The following SIPA1L1 variants were observed in gnomAD, a reference collection of about 807,000 sequenced individuals.
SIPA1L1 encodes signal-induced proliferation-associated 1-like protein 1.
SIPA1L1 carries 26 observed loss-of-function variants against 162.7 expected under a neutral mutation model. That is an observed-to-expected ratio of 0.16 (90% CI 0.12 to 0.22). SIPA1L1 has a LOEUF of 0.22. SIPA1L1 is among the 10% of genes least tolerant of loss of function. SIPA1L1 has a pLI of 1.00. For synonymous variants in SIPA1L1, 829 were observed against 837.4 expected (o/e 0.99, Z 0.17); for missense variants, 1,874 against 2,241.0 (o/e 0.84, Z 3.31).
intron 2 of SIPA1L1, among the ~76,000 whole-genome samples, chr14:71,404,196 G>T (rs911073322): frequency 6.6e-6 from 1 of 152,088 alleles, no homozygotes; most frequent in African/African-American, 2.4e-5. Flanking sequence ...TAACCAAAAA[G>T]CATTCTTTTA....
chr14:71,454,231 G>T (rs2046031581), intron 2 of SIPA1L1, among the ~76,000 whole-genome samples: 1 of 152,078 alleles, frequency 6.6e-6, no homozygotes, highest in Non-Finnish European at 1.5e-5. Flanking sequence ...AAAGGTTAAA[G>T]GAGGTCACAT....
At chr14:71,645,339 A>G (rs780804097) in intron 7 of SIPA1L1, among the ~76,000 whole-genome samples, 1 of 152,142 alleles carries the variant, frequency 6.6e-6, no homozygotes, top group Non-Finnish European at 1.5e-5. Context: ...CCCCTTTACC[A>G]TTAACATTAC....
intron 2 of SIPA1L1, among the ~76,000 whole-genome samples, chr14:71,501,171 A>C (rs1368310338): frequency 6.6e-6 from 1 of 151,932 alleles, no homozygotes; most frequent in Non-Finnish European, 1.5e-5. Flanking sequence ...AATTTTAAAA[A>C]TTAGCTGGGT....
chr14:71,650,528 C>T lies in SIPA1L1; in HGVS notation c.1993+19C>T, dbSNP rs1463910667. On this transcript the variant is annotated intron_variant, in intron 8 of 23. Coordinates refer to ENST00000381232, the MANE Select transcript of SIPA1L1 (RefSeq NM_001386936.1). ...ACCAAAAGTAAGAAATACTTACACC[C>T]TCCTACTAGGCTTATTTTCCCCCTG... is the stretch of plus-strand genomic sequence containing the variant. 2 of 1,610,528 alleles carry T rather than the reference C, an allele frequency of 1.2e-6. No homozygotes were observed. The highest frequency in any genetic ancestry group is 8.5e-7 in the Non-Finnish European group (1 of 1,177,176).
chr14:71,591,273 C>T (rs2035357855), intron 5 of SIPA1L1, among the ~76,000 whole-genome samples: 1 of 150,336 alleles, frequency 6.7e-6, no homozygotes, highest in African/African-American at 2.5e-5. Flanking sequence ...AAGGTAGGTA[C>T]TATTGTTAAC....
chr14:71,324,856 A>G (rs917143545), intron 2 of SIPA1L1, among the ~76,000 whole-genome samples: 4 of 152,142 alleles, frequency 2.6e-5, no homozygotes, highest in Admixed American at 2.0e-4. Context: ...AAGGGTAACC[A>G]GAGATTGGGG....
chr14:71,733,413 T>G lies in SIPA1L1; in HGVS notation c.4862-253T>G, dbSNP rs554007545. 3.9e-5 allele frequency among the ~76,000 whole-genome samples: 6 copies of G among 152,230 alleles called. No homozygotes were observed. In the East Asian group the frequency reaches 1.2e-3, roughly 29 times the overall value. On this transcript the variant is annotated intron_variant, in intron 20 of 23. Coordinates refer to ENST00000381232, the MANE Select transcript of SIPA1L1 (RefSeq NM_001386936.1). ...CACAAAAGCAGACTTAGTGCCTCCA[T>G]GCAAAACTAACTTTGCCATGACTCA...
intron 12 of SIPA1L1, among the ~76,000 whole-genome samples, chr14:71,676,036 C>T (rs2045134352): frequency 1.4e-5 from 2 of 145,080 alleles, no homozygotes; most frequent in South Asian, 2.4e-4. Context: ...GCTGGTGAAT[C>T]ATTTGAGGTC....
rs768046689 is a variant in SIPA1L1 at position 71,672,618 on chromosome 14, C to T, written c.3100C>T (p.Arg1034Trp). Reference sequence around the variant, plus strand: ...TCCCCCGCATGATGACTGCACCCCGCGGAGGTAGGTCTGAGGAGACAGCTG... The same window carrying T: ...TCCCCCGCATGATGACTGCACCCCGTGGAGGTAGGTCTGAGGAGACAGCTG... ...IIPPHDDCTP[R>W]RSCSETYRMP... The change falls in exon 12 of 24, where the codon CGG becomes TGG. Residue 1034 changes from arginine to tryptophan, a missense_variant. Arg to Trp is a moderately radical substitution (Grantham distance 101). Around this residue, in one of 5 missense-constraint regions of SIPA1L1, gnomAD observed 936 missense variants for 1,051.9 expected, o/e 0.89. Coordinates refer to ENST00000381232, the MANE Select transcript of SIPA1L1 (RefSeq NM_001386936.1). The T allele has an allele frequency of 8.7e-6, 14 of 1,612,924 alleles. No homozygotes were observed. Among genetic ancestry groups the T allele is most frequent in the African/African-American group, 5.3e-5 (4 of 74,890 alleles).
intron 2 of SIPA1L1, among the ~76,000 whole-genome samples, chr14:71,503,302 G>A (rs1251021160): frequency 6.6e-6 from 1 of 152,166 alleles, no homozygotes; most frequent in Non-Finnish European, 1.5e-5. Context: ...TTGTTTTGAT[G>A]CTGAACCCAT....
intron 5 of SIPA1L1, among the ~76,000 whole-genome samples, chr14:71,603,611 C>T (rs953584803): frequency 6.6e-6 from 1 of 152,200 alleles, no homozygotes; most frequent in African/African-American, 2.4e-5. Flanking sequence ...AGGCATGTGC[C>T]ACCATGCCTT....
intron 4 of SIPA1L1, among the ~76,000 whole-genome samples, chr14:71,545,077 C>G (rs1373852608): frequency 6.6e-6 from 1 of 152,076 alleles, no homozygotes; most frequent in Non-Finnish European, 1.5e-5. Flanking sequence ...TCAGGCTGGT[C>G]TCAAACTTCT....
intron 12 of SIPA1L1, among the ~76,000 whole-genome samples, chr14:71,681,516 A>G (rs1357789202): frequency 1.3e-5 from 2 of 152,258 alleles, no homozygotes; most frequent in Non-Finnish European, 2.9e-5. Context: ...AGAATAGGTC[A>G]CAGCATTTTT....
chr14:71,340,793 G>A (rs1291514988), intron 2 of SIPA1L1, among the ~76,000 whole-genome samples: 2 of 152,128 alleles, frequency 1.3e-5, no homozygotes, highest in Admixed American at 6.5e-5. Flanking sequence ...CAAAAAATTA[G>A]CCAGGCATGG....
intron 2 of SIPA1L1, among the ~76,000 whole-genome samples, chr14:71,459,503 C>G (rs951580397): frequency 6.6e-6 from 1 of 152,006 alleles, no homozygotes. Flanking sequence ...TATTAACTTA[C>G]ATGATCACAA....
intron 4 of SIPA1L1, among the ~76,000 whole-genome samples, chr14:71,550,704 AGACTT>A (rs2055733723): frequency 6.6e-6 from 1 of 152,006 alleles, no homozygotes; most frequent in African/African-American, 2.4e-5. Flanking sequence ...CCAACTCTTC[AGACTT>A]GTATTTCCAA....
At chr14:71,615,390 A>G (rs2038715355) in intron 5 of SIPA1L1, among the ~76,000 whole-genome samples, 1 of 152,188 alleles carries the variant, frequency 6.6e-6, no homozygotes, top group South Asian at 2.1e-4. Flanking sequence ...AGTTGGTCAG[A>G]TTTGCATTTT....
At chr14:71,464,438 C>G (rs990815668) in intron 2 of SIPA1L1, among the ~76,000 whole-genome samples, 1 of 152,116 alleles carries the variant, frequency 6.6e-6, no homozygotes, top group South Asian at 2.1e-4. Context: ...ATCAGGACTT[C>G]GAGACCAGCC....
intron 2 of SIPA1L1, among the ~76,000 whole-genome samples, chr14:71,339,834 A>C (rs1398409958): frequency 6.6e-6 from 1 of 152,182 alleles, no homozygotes; most frequent in Non-Finnish European, 1.5e-5. Context: ...CATTATTGCT[A>C]ATCTTTATAA....
Sources: allele counts gnomAD v4.1 joint callset (sites outside exome capture counted in the v4.1 genomes callset), GRCh38; gene constraint gnomAD v4.1.1; regional missense constraint gnomAD v4.1.1; transcripts MANE v1.5; gene names NCBI Gene and HGNC (gene_info 2026-07-23, HGNC 2026-07-21).